CNTNAP5: variants seen among roughly 807,000 people sequenced by gnomAD.
CNTNAP5 encodes contactin associated protein family member 5, also known as contactin-associated protein-like 5.
Under a neutral mutation model 150.2 loss-of-function variants are expected in CNTNAP5, and 72 were observed. That is an observed-to-expected ratio of 0.48 (90% CI 0.40 to 0.58). The LOEUF is 0.58. Ranked by LOEUF, CNTNAP5 falls within the 20% of genes least tolerant of loss-of-function variation. The pLI, the probability that CNTNAP5 is intolerant of heterozygous loss-of-function variation, is 0.00. For missense variants in CNTNAP5, 1,636 were observed against 1,626.2 expected, an observed-to-expected ratio of 1.01 and a Z score of -0.10; for synonymous variants, 672 against 619.8, an observed-to-expected ratio of 1.08 and a Z score of -1.25.
intron 21 of CNTNAP5, among the ~76,000 whole-genome samples, chr2:124,895,923 G>T (rs1678295042): frequency 6.6e-6 from 1 of 151,542 alleles, no homozygotes; most frequent in Non-Finnish European, 1.5e-5. Flanking sequence ...ATGCTTGGGG[G>T]AAGGCCAATG....
intron 3 of CNTNAP5, among the ~76,000 whole-genome samples, chr2:124,250,335 C>T (rs767985155): frequency 6.6e-6 from 1 of 151,914 alleles, no homozygotes; most frequent in Non-Finnish European, 1.5e-5. Context: ...AGCAACAGTG[C>T]GTAAACTTTA....
chr2:124,576,736 C>T (rs1173286015), intron 11 of CNTNAP5, among the ~76,000 whole-genome samples: 1 of 152,132 alleles, frequency 6.6e-6, no homozygotes, highest in African/African-American at 2.4e-5. Context: ...AAATTATTCA[C>T]CTTCTCAGAA....
chr2:124,700,171 C>T (rs1248565276), intron 13 of CNTNAP5, among the ~76,000 whole-genome samples: 1 of 152,116 alleles, frequency 6.6e-6, no homozygotes, highest in African/African-American at 2.4e-5. Flanking sequence ...CATGATTTGT[C>T]CATGTTGTAG....
intron 1 of CNTNAP5, among the ~76,000 whole-genome samples, chr2:124,026,448 G>T (rs1244628245): frequency 6.6e-6 from 1 of 152,254 alleles, no homozygotes; most frequent in South Asian, 2.1e-4. Context: ...GCAAGTGTAG[G>T]ACATTTAATT....
At chr2:124,310,810 G>A (rs555664704) in intron 3 of CNTNAP5, among the ~76,000 whole-genome samples, 3 of 152,236 alleles carry the variant, frequency 2.0e-5, no homozygotes, top group Admixed American at 6.5e-5. Flanking sequence ...CTCATGAACC[G>A]CACTTGCAGT....
At chr2:124,432,256 G>A (rs1692410485) in intron 4 of CNTNAP5, among the ~76,000 whole-genome samples, 1 of 152,160 alleles carries the variant, frequency 6.6e-6, no homozygotes, top group African/African-American at 2.4e-5. Context: ...TGTGTGGTAT[G>A]TCTCAGCTTG....
intron 13 of CNTNAP5, among the ~76,000 whole-genome samples, chr2:124,687,736 TTCTC>T (rs1679221175): frequency 6.6e-6 from 1 of 151,742 alleles, no homozygotes; most frequent in Non-Finnish European, 1.5e-5. Flanking sequence ...AGAACATACT[TTCTC>T]TCAGGCAAAA....
At chr2:124,273,881 T>C (rs1445766490) in intron 3 of CNTNAP5, among the ~76,000 whole-genome samples, 2 of 152,220 alleles carry the variant, frequency 1.3e-5, no homozygotes, top group African/African-American at 4.8e-5. Context: ...TTAAATAACT[T>C]GACCAACTAC....
chr2:124,581,230 A>T (rs945895184), intron 11 of CNTNAP5, among the ~76,000 whole-genome samples: 4 of 152,202 alleles, frequency 2.6e-5, no homozygotes, highest in African/African-American at 9.7e-5. Flanking sequence ...TCCGAACATG[A>T]GTCTTTATTA....
intron 1 of CNTNAP5, among the ~76,000 whole-genome samples, chr2:124,055,067 G>T (rs1681808861): frequency 6.6e-6 from 1 of 152,138 alleles, no homozygotes; most frequent in South Asian, 2.1e-4. Context: ...TACCCATCTT[G>T]CAGAGTGTGT....
At chr2:124,123,209 G>A (rs1193511360) in intron 1 of CNTNAP5, among the ~76,000 whole-genome samples, 1 of 152,088 alleles carries the variant, frequency 6.6e-6, no homozygotes, top group Admixed American at 6.5e-5. Flanking sequence ...CCCTAATACT[G>A]CACATTTCCA....
chr2:124,903,404 G>A (rs1158250713), intron 22 of CNTNAP5, among the ~76,000 whole-genome samples: 1 of 152,116 alleles, frequency 6.6e-6, no homozygotes, highest in Non-Finnish European at 1.5e-5. Flanking sequence ...TACTGTTGAA[G>A]TGGATACTGC....
At chr2:124,859,821 A>C (rs937545474) in intron 19 of CNTNAP5, among the ~76,000 whole-genome samples, 6 of 152,030 alleles carry the variant, frequency 3.9e-5, no homozygotes, top group Admixed American at 2.6e-4. Context: ...AAAAAACCAA[A>C]CACCACATGT....
Position 124,916,276 on chromosome 2 carries a change from C to T in CNTNAP5, c.*1988C>T, listed in dbSNP as rs570412529. ...TTTTAACCATGATATCATTTCTCTCCTTTTAGTTTTAATAAGATGAATGAT... is the reference window on the plus strand; with the variant it reads ...TTTTAACCATGATATCATTTCTCTCTTTTTAGTTTTAATAAGATGAATGAT... On this transcript the variant is annotated 3_prime_UTR_variant, in exon 24 of 24. Transcript: ENST00000682447. Among the ~76,000 whole-genome samples, 1 of 152,134 alleles carries T rather than the reference C, an allele frequency of 6.6e-6. No homozygotes were observed. The highest frequency in any genetic ancestry group is 1.9e-4 in the East Asian group (1 of 5,158).
rs192877211 is a variant in CNTNAP5 at position 124,337,410 on chromosome 2, G to A, written c.382-80033G>A. On this transcript the variant is annotated intron_variant, in intron 3 of 23. Transcript: ENST00000682447. ...CCATTTGTCAATTTTGGCTTTTGTT[G>A]CCATTGCTTTTGGTGTTTTAGACAT... is the stretch of plus-strand genomic sequence containing the variant. 3.9e-3 allele frequency among the ~76,000 whole-genome samples: 587 copies of A among 152,250 alleles called. 7 individuals are homozygous for A. Among genetic ancestry groups the A allele is most frequent in the Non-Finnish European group, 6.7e-3 (455 of 68,034 alleles).
At chr2:124,208,017 C>A (rs1685906914) in intron 1 of CNTNAP5, among the ~76,000 whole-genome samples, 1 of 152,108 alleles carries the variant, frequency 6.6e-6, no homozygotes, top group South Asian at 2.1e-4. Flanking sequence ...GAGCATTTTA[C>A]AAGGAAAAGT....
intron 22 of CNTNAP5, among the ~76,000 whole-genome samples, chr2:124,908,768 T>C (rs1678592624): frequency 6.6e-6 from 1 of 152,156 alleles, no homozygotes; most frequent in South Asian, 2.1e-4. Flanking sequence ...AAGACAATGA[T>C]ATTAACATCA....
intron 13 of CNTNAP5, among the ~76,000 whole-genome samples, chr2:124,713,877 A>G (rs1679890938): frequency 6.6e-6 from 1 of 152,022 alleles, no homozygotes; most frequent in Admixed American, 6.6e-5. Flanking sequence ...CTGACTCCCC[A>G]TCTCTCCTCC....
At chr2:124,516,469 G>A (rs978365851) in intron 8 of CNTNAP5, among the ~76,000 whole-genome samples, 3 of 152,212 alleles carry the variant, frequency 2.0e-5, no homozygotes, top group Non-Finnish European at 4.4e-5. Flanking sequence ...TACAGATGAT[G>A]TAATAGGTTT....
Sources: allele counts gnomAD v4.1 joint callset (sites outside exome capture counted in the v4.1 genomes callset), GRCh38; gene constraint gnomAD v4.1.1; transcripts MANE v1.5; gene names NCBI Gene and HGNC (gene_info 2026-07-23, HGNC 2026-07-21).